Variants in TTC39C observed in about 807,000 individuals in gnomAD.
The protein encoded by TTC39C is tetratricopeptide repeat domain 39C.
In TTC39C, 33 loss-of-function variants were observed where a neutral mutation model predicts 76.3. The observed-to-expected ratio is 0.43, with a 90% CI of 0.33 to 0.58. The LOEUF (loss-of-function observed/expected upper bound fraction) is 0.58. TTC39C is among the 20% of genes least tolerant of loss of function. The pLI is 0.04. For missense variants in TTC39C, 595 were observed against 701.4 expected (o/e 0.85, Z 1.71); for synonymous variants, 254 against 260.6 (o/e 0.97, Z 0.24).
At chr18:24,087,155 T>C (rs1250435530) in intron 6 of TTC39C, among the ~76,000 whole-genome samples, 2 of 152,256 alleles carry the variant, frequency 1.3e-5, no homozygotes, top group Admixed American at 1.3e-4. Flanking sequence ...TTTGAATTTC[T>C]GTATTTTCCA....
At chr18:24,010,644 C>T (rs1439140023), upstream of TTC39C, among the ~76,000 whole-genome samples, 1 of 152,144 alleles carries the variant, frequency 6.6e-6, no homozygotes, top group Non-Finnish European at 1.5e-5. Flanking sequence ...TATGGATTTA[C>T]AAAAAGATGC....
intron 1 of TTC39C, among the ~76,000 whole-genome samples, chr18:24,044,271 A>T (rs1286922220): frequency 6.6e-6 from 1 of 152,120 alleles, no homozygotes; most frequent in African/African-American, 2.4e-5. Flanking sequence ...CGAGGCAAAG[A>T]TCAGTGATGT....
At chr18:24,080,404 T>G (rs927485482) in intron 4 of TTC39C, among the ~76,000 whole-genome samples, 181 bp from the exon 5 acceptor site, 8 of 152,174 alleles carry the variant, frequency 5.3e-5, no homozygotes, top group Admixed American at 2.0e-4. Context: ...GAAGGGAGAC[T>G]GATGAGAAAT....
At chr18:24,022,799 T>C in intron 1 of TTC39C, 1 of 985,396 alleles carries the variant, frequency 1.0e-6, no homozygotes, top group Non-Finnish European at 1.2e-6. Flanking sequence ...CTGCTGCCCT[T>C]GTCCCTTCCA....
At chr18:24,028,771 G>A (rs528965726) in intron 1 of TTC39C, among the ~76,000 whole-genome samples, 1 of 152,272 alleles carries the variant, frequency 6.6e-6, no homozygotes, top group Admixed American at 6.5e-5. Flanking sequence ...CGCCCAGGCT[G>A]GAGTGCAGTG....
At chr18:24,110,418 T>A (rs2084795218) in intron 6 of TTC39C, among the ~76,000 whole-genome samples, 1 of 152,138 alleles carries the variant, frequency 6.6e-6, no homozygotes, top group Non-Finnish European at 1.5e-5. Flanking sequence ...ACAAACAAAT[T>A]TGTTGTAAAA....
At chr18:24,106,971 C>A (rs1232956345) in intron 6 of TTC39C, among the ~76,000 whole-genome samples, 2 of 152,212 alleles carry the variant, frequency 1.3e-5, no homozygotes, top group African/African-American at 4.8e-5. Flanking sequence ...AGGTGTGAGC[C>A]ACCGTGCCCG....
rs201375294 is a variant in TTC39C at position 24,118,235 on chromosome 18, G to A, written c.1186+3G>A. 2.5e-6 allele frequency: 4 copies of A among 1,611,212 alleles called. No individual in the cohort carries two copies. In the East Asian group the frequency reaches 6.7e-5, roughly 27 times the overall value. On this transcript the variant is annotated splice_donor_region_variant and intron_variant, in intron 8 of 13. Transcript: ENST00000317571. Reference sequence around the variant, plus strand: ...CTATTATGCCTACTTGACTGCAGGTGAGTCGCCCATGGTCCCTCAGTGTGC... The same window carrying A: ...CTATTATGCCTACTTGACTGCAGGTAAGTCGCCCATGGTCCCTCAGTGTGC...
chr18:24,018,651 C>G (rs2083484019), intron 1 of TTC39C, among the ~76,000 whole-genome samples: 1 of 151,820 alleles, frequency 6.6e-6, no homozygotes, highest in Non-Finnish European at 1.5e-5. Flanking sequence ...GGAAATGATG[C>G]CTGAGCATTA....
intron 8 of TTC39C, 137 bp from the exon 9 acceptor site, chr18:24,123,697 A>G: frequency 1.7e-6 from 1 of 593,202 alleles, no homozygotes; most frequent in South Asian, 2.4e-5. Flanking sequence ...ATGAACCACC[A>G]TGTCCAGCCC....
intron 1 of TTC39C, among the ~76,000 whole-genome samples, chr18:24,027,881 A>C (rs1480772755): frequency 2.3e-5 from 1 of 42,582 alleles, no homozygotes; most frequent in Non-Finnish European, 4.5e-5. Flanking sequence ...TGACCTATCC[A>C]AGGCTGCATG....
chr18:24,133,252 A>G lies in TTC39C; in HGVS notation c.*678A>G, dbSNP rs1457319099. ...GCCAGAATTCCATGTTTTACTTATT[A>G]AAAGAACAAAATCTTCAGCTGAAGT... On this transcript the variant is annotated 3_prime_UTR_variant, in exon 14 of 14. Coordinates refer to ENST00000317571, the MANE Select transcript of TTC39C (RefSeq NM_001135993.2). 6.6e-6 allele frequency: 1 copy of G among 152,246 alleles called. No individual in the cohort carries two copies. 9.4% of individuals were successfully genotyped at this position (152,246 alleles called of 1,614,324 possible). A position where few individuals can be genotyped will look rare whatever the true frequency, so the allele number is the denominator to read the frequency against.
intron 4 of TTC39C, among the ~76,000 whole-genome samples, chr18:24,080,368 G>T (rs2084361641): frequency 1.3e-5 from 2 of 152,228 alleles, no homozygotes; most frequent in Middle Eastern, 3.4e-3. Context: ...AAACACACAT[G>T]CTTACCAGTC....
intron 1 of TTC39C, among the ~76,000 whole-genome samples, chr18:24,062,619 C>CT (rs75017121): frequency 0.22 from 33,597 of 151,986 alleles, 4,941 homozygotes; most frequent in African/African-American, 0.42. Flanking sequence ...GACCCCCTCA[C>CT]TTTTTTTCAT....
In TTC39C at chr18:24,125,770, G is replaced by A. The variant is rs1188864902; in HGVS notation, c.1420+220G>A. On this transcript the variant is annotated intron_variant, in intron 10 of 13. Transcript: ENST00000317571. ...TGCTGTGGACAGATATGCTTGCCTT[G>A]AACATGTGCTGCTTTTGTTATAAAT... 1.0e-5 allele frequency: 5 copies of A among 494,594 alleles called. No individual in the cohort carries two copies. In the East Asian group the frequency reaches 1.5e-4, roughly 15 times the overall value. The allele number at this position is 494,594 out of a possible 1,614,324, so 30.6% of individuals were successfully genotyped here.
At position 24,003,260 on chromosome 18, in the gene TTC39C, C is replaced by T. The variant is rs78405541; in HGVS notation, c.-17+10222C>T. On this transcript the variant is annotated intron_variant, in intron 1 of 13. Transcript: ENST00000304621. Reference sequence around the variant, plus strand: ...CCAGAGTCAGCTCAGTCATCAAACCCCTCACAGGAAGCCTTCCATGAACCC... The same window carrying T: ...CCAGAGTCAGCTCAGTCATCAAACCTCTCACAGGAAGCCTTCCATGAACCC... Among the ~76,000 whole-genome samples, 513 of 152,286 alleles carry T rather than the reference C, an allele frequency of 3.4e-3. 3 individuals carry two copies. Among genetic ancestry groups the T allele is most frequent in the African/African-American group, 0.012 (485 of 41,548 alleles).
intron 1 of TTC39C, among the ~76,000 whole-genome samples, chr18:24,039,470 G>A (rs993719656): frequency 6.6e-6 from 1 of 152,226 alleles, no homozygotes; most frequent in Non-Finnish European, 1.5e-5. Context: ...CACTTGGGTG[G>A]TAAGGAGCCA....
intron 11 of TTC39C, 83 bp downstream of exon 11, chr18:24,129,066 G>T: frequency 9.0e-7 from 1 of 1,105,652 alleles, no homozygotes. Flanking sequence ...AAATGAAAAA[G>T]CACTGAACGA....
intron 1 of TTC39C, among the ~76,000 whole-genome samples, chr18:24,008,117 C>T (rs778301404): frequency 1.2e-4 from 18 of 152,196 alleles, no homozygotes; most frequent in Admixed American, 9.8e-4. Context: ...ACGATTTAGA[C>T]TCCTGGCCTA....
Sources: gnomAD v4.1 joint callset for allele counts (sites outside exome capture counted in the v4.1 genomes callset) on GRCh38, gnomAD v4.1.1 for gene constraint, MANE v1.5 for transcripts, NCBI Gene and HGNC (gene_info 2026-07-23, HGNC 2026-07-21) for gene names.